Variants in MTFR1 observed in about 807,000 individuals in gnomAD.
MTFR1 encodes mitochondrial fission regulator 1, also known as chondrocyte protein with a poly-proline region.
In MTFR1, 28 loss-of-function variants were observed where a neutral mutation model predicts 38.8. The observed-to-expected ratio is 0.72, with a 90% CI of 0.53 to 0.99. The LOEUF is 0.99. MTFR1 is among the 50% of genes least tolerant of loss of function. MTFR1 has a pLI of 0.00. For synonymous variants in MTFR1, 145 were observed against 137.0 expected (o/e 1.06, Z -0.41); for missense variants, 358 against 395.5 (o/e 0.91, Z 0.81).
chr8:65,664,692 G>A lies in MTFR1; in HGVS notation c.-80-5181G>A, dbSNP rs138843687. Among the ~76,000 whole-genome samples, 42 of 148,508 alleles carry A rather than the reference G, an allele frequency of 2.8e-4. No individual in the cohort carries two copies. In the East Asian group the frequency reaches 7.5e-3, roughly 27 times the overall value. On this transcript the variant is annotated intron_variant, in intron 1 of 7. Coordinates refer to ENST00000262146, the MANE Select transcript of MTFR1 (RefSeq NM_014637.4). ...GCCCATTGCAACTTTTGCCTCCCGCGTTCAAGCTATTCTCCTGCCTCAGCC... is the reference window on the plus strand; with the variant it reads ...GCCCATTGCAACTTTTGCCTCCCGCATTCAAGCTATTCTCCTGCCTCAGCC...
chr8:65,719,370 C>G (rs376179648), intron 2 of MTFR1: 29 of 1,613,886 alleles, frequency 1.8e-5, no homozygotes, highest in Non-Finnish European at 2.5e-5. Flanking sequence ...CTCGACTGTT[C>G]TCTCTGCAGT....
intron 6 of MTFR1, 110 bp from the exon 7 acceptor site, chr8:65,707,733 A>C: frequency 7.5e-7 from 1 of 1,328,450 alleles, no homozygotes; most frequent in Non-Finnish European, 1.0e-6. Context: ...GTCTCTATGG[A>C]GTAGCTATGA....
intron 3 of MTFR1, among the ~76,000 whole-genome samples, chr8:65,688,622 T>G (rs1030386086): frequency 1.3e-5 from 2 of 149,892 alleles, no homozygotes; most frequent in African/African-American, 4.9e-5. Context: ...CTAATTGTAT[T>G]TTTAGTAGAG....
chr8:65,761,942 C>A (rs1808516880), intron 3 of MTFR1, among the ~76,000 whole-genome samples: 1 of 152,164 alleles, frequency 6.6e-6, no homozygotes, highest in Non-Finnish European at 1.5e-5. Context: ...TGTTTTCCCA[C>A]AACCGATGTC....
intron 3 of MTFR1, chr8:65,722,350 C>T (rs1806418609): frequency 6.6e-6 from 1 of 152,284 alleles, no homozygotes; most frequent in Non-Finnish European, 1.5e-5. Context: ...CACTTTCTTC[C>T]ATGAGTATCC....
chr8:65,719,120 A>C (rs1285091368), intron 2 of MTFR1: 1 of 605,426 alleles, frequency 1.7e-6, no homozygotes, highest in Non-Finnish European at 2.9e-6. Flanking sequence ...CTTGCAATTA[A>C]CAAGTGGGTT....
intron 3 of MTFR1, among the ~76,000 whole-genome samples, chr8:65,688,548 A>G (rs1018238456): frequency 1.4e-5 from 2 of 146,006 alleles, no homozygotes; most frequent in Non-Finnish European, 3.0e-5. Flanking sequence ...TCCCAGGTTC[A>G]CGCCATTCTC....
intron 2 of MTFR1, among the ~76,000 whole-genome samples, chr8:65,677,277 C>T (rs1804737183): frequency 6.6e-6 from 1 of 150,838 alleles, no homozygotes; most frequent in Admixed American, 6.6e-5. Context: ...GCCACATTGG[C>T]CAGGCTGGTC....
intron 4 of MTFR1, among the ~76,000 whole-genome samples, chr8:65,703,196 G>A (rs1427840387): frequency 6.6e-6 from 1 of 151,678 alleles, no homozygotes; most frequent in Non-Finnish European, 1.5e-5. Flanking sequence ...GGGCAACATT[G>A]TGAGACCCTG....
At chr8:65,774,289 A>T (rs1359592400), downstream of MTFR1, among the ~76,000 whole-genome samples, 2 of 150,118 alleles carry the variant, frequency 1.3e-5, no homozygotes, top group Admixed American at 6.6e-5. Flanking sequence ...TTTTTAAAAG[A>T]TTTTTTGTAC....
At chr8:65,731,590 C>A (rs556596597) in intron 3 of MTFR1, 5 of 152,138 alleles carry the variant, frequency 3.3e-5, no homozygotes, top group African/African-American at 1.2e-4. Flanking sequence ...AGACTTTGGG[C>A]TCAACTTGAA....
intron 3 of MTFR1, among the ~76,000 whole-genome samples, chr8:65,687,410 A>T (rs1805120913): frequency 6.7e-6 from 1 of 148,212 alleles, no homozygotes; most frequent in Admixed American, 6.8e-5. Flanking sequence ...CAGTGGCACG[A>T]TCTTGGCTCA....
intron 2 of MTFR1, among the ~76,000 whole-genome samples, chr8:65,672,315 G>A (rs574633840): frequency 6.6e-6 from 1 of 152,240 alleles, no homozygotes; most frequent in African/African-American, 2.4e-5. Flanking sequence ...TTAGCTTGTT[G>A]CCTAAGAATA....
intron 3 of MTFR1, among the ~76,000 whole-genome samples, chr8:65,729,967 C>T (rs749290546): frequency 6.6e-6 from 1 of 151,784 alleles, no homozygotes; most frequent in Non-Finnish European, 1.5e-5. Flanking sequence ...AGGCGGTCCT[C>T]GCAGGGCTCC....
chr8:65,732,451 T>C (rs1268309237), intron 3 of MTFR1, among the ~76,000 whole-genome samples: 1 of 152,236 alleles, frequency 6.6e-6, no homozygotes, highest in East Asian at 1.9e-4. Flanking sequence ...ATGTGGCAGA[T>C]GCTCAAAGAG....
chr8:65,655,589 A>G (rs1809232416), intron 1 of MTFR1, among the ~76,000 whole-genome samples: 1 of 152,128 alleles, frequency 6.6e-6, no homozygotes, highest in South Asian at 2.1e-4. Flanking sequence ...TGACTTAAGT[A>G]TCAACTGGAC....
chr8:65,766,187 C>A (rs1361600847), intron 3 of MTFR1, among the ~76,000 whole-genome samples: 1 of 152,160 alleles, frequency 6.6e-6, no homozygotes, highest in Non-Finnish European at 1.5e-5. Flanking sequence ...CTCAGGTGAT[C>A]CACCCGCCTT....
In MTFR1 at chr8:65,747,767, T is replaced by C. The variant is rs763649281; in HGVS notation, c.*49-23180T>C. 53 of 1,610,208 alleles carry C rather than the reference T, an allele frequency of 3.3e-5. 1 individual carries two copies. In the East Asian group the frequency reaches 9.8e-4, roughly 30 times the overall value. ...CTGGAAACTTAGTAGCCTTCTGATA[T>C]TCCTTGCAGAGACAGACACTTCAAT... On this transcript the variant is annotated intron_variant, in intron 3 of 3. Transcript: ENST00000521247.
chr8:65,741,837 T>A (rs1449738443), intron 3 of MTFR1, among the ~76,000 whole-genome samples: 4 of 152,236 alleles, frequency 2.6e-5, no homozygotes, highest in Non-Finnish European at 5.9e-5. Flanking sequence ...AATTACCCAT[T>A]TCTAGGATGT....
Sources: gnomAD v4.1 joint callset for allele counts (sites outside exome capture counted in the v4.1 genomes callset) on GRCh38, gnomAD v4.1.1 for gene constraint, MANE v1.5 for transcripts, NCBI Gene and HGNC (gene_info 2026-07-23, HGNC 2026-07-21) for gene names.